The following DDR2 variants were observed in gnomAD, a reference collection of about 807,000 sequenced individuals.
The protein encoded by DDR2 is discoidin domain receptor tyrosine kinase 2.
In DDR2, 27 loss-of-function variants were observed where a neutral mutation model predicts 94.9. The observed-to-expected ratio is 0.28, with a 90% CI of 0.21 to 0.39. The LOEUF is 0.39. DDR2 is among the 10% of genes least tolerant of loss of function. DDR2 has a pLI of 1.00. For missense variants in DDR2, 783 were observed against 1,076.0 expected, an observed-to-expected ratio of 0.73 and a Z score of 3.81; for synonymous variants, 382 against 377.2, an observed-to-expected ratio of 1.01 and a Z score of -0.15.
chr1:162,685,655 G>A (rs1659652430), intron 2 of DDR2, among the ~76,000 whole-genome samples: 2 of 151,956 alleles, frequency 1.3e-5, no homozygotes, highest in African/African-American at 4.8e-5. Flanking sequence ...CTAAGAGACT[G>A]GATGCTCCCT....
intron 3 of DDR2, among the ~76,000 whole-genome samples, chr1:162,740,306 A>G (rs1039961153): frequency 6.6e-6 from 1 of 152,210 alleles, no homozygotes; most frequent in Admixed American, 6.5e-5. Flanking sequence ...TCCCCTCAAA[A>G]TGCTTGCTTT....
At chr1:162,778,817 AG>A in intron 17 of DDR2, 88 bp downstream of exon 17, 1 of 1,550,812 alleles carries the variant, frequency 6.4e-7, no homozygotes, top group Non-Finnish European at 8.9e-7. Context: ...GAGTGGGCCG[AG>A]ATGGAAGACA....
At chr1:162,685,711 T>G (rs1184791600) in intron 2 of DDR2, among the ~76,000 whole-genome samples, 1 of 152,178 alleles carries the variant, frequency 6.6e-6, no homozygotes, top group Non-Finnish European at 1.5e-5. Context: ...GGAAGCTTAC[T>G]AATGCAAGTC....
chr1:162,689,844 A>AAAAAAAAAAAAAAAC, intron 2 of DDR2, among the ~76,000 whole-genome samples: 1 of 129,670 alleles, frequency 7.7e-6, no homozygotes, highest in African/African-American at 2.8e-5. Context: ...TCTCTACTTA[A>AAAAAAAAAAAAAAAC]AAAAAAAAAA....
chr1:162,674,910 T>C (rs572388802), intron 2 of DDR2, among the ~76,000 whole-genome samples: 1 of 152,234 alleles, frequency 6.6e-6, no homozygotes, highest in Non-Finnish European at 1.5e-5. Context: ...TCCCAGCACT[T>C]TGAGGGGCTG....
rs1661287289 is a variant in DDR2, at chr1:162,718,887, G to A, written c.-27-150G>A. 3 of 721,750 alleles carry A rather than the reference G, an allele frequency of 4.2e-6. No individual in the cohort carries two copies. In the South Asian group the frequency reaches 4.9e-5, roughly 12 times the overall value. The allele number at this position is 721,750 out of a possible 1,614,324, so 44.7% of individuals were successfully genotyped here. ...TTGGATGTGCCATTCAACTCCCAAA[G>A]TCTGTGATTCGAAGTCCCATATATA... On this transcript the variant is annotated intron_variant, in intron 2 of 17. Coordinates refer to ENST00000367921, the MANE Select transcript of DDR2 (RefSeq NM_006182.4).
At chr1:162,652,731 A>C (rs1657765607) in intron 1 of DDR2, among the ~76,000 whole-genome samples, 1 of 152,222 alleles carries the variant, frequency 6.6e-6, no homozygotes. Context: ...CTATTTTACA[A>C]GTAGACACTA....
intron 2 of DDR2, among the ~76,000 whole-genome samples, chr1:162,663,038 C>T (rs533729480): frequency 1.3e-5 from 2 of 152,162 alleles, no homozygotes; most frequent in African/African-American, 2.4e-5. Context: ...ATTTCATTGC[C>T]CCTTTATTCA....
chr1:162,728,103 A>G (rs1306575058), intron 3 of DDR2, among the ~76,000 whole-genome samples: 1 of 143,120 alleles, frequency 7.0e-6, no homozygotes, highest in Admixed American at 7.2e-5. Context: ...CACACTATAT[A>G]TATCTATATA....
At chr1:162,769,188 G>A (rs1049211300) in intron 11 of DDR2, among the ~76,000 whole-genome samples, 6 of 152,174 alleles carry the variant, frequency 3.9e-5, no homozygotes, top group African/African-American at 1.4e-4. Flanking sequence ...CCAGGTAAAA[G>A]GTAGAGCAAA....
chr1:162,732,806 T>C (rs943100975), intron 3 of DDR2, among the ~76,000 whole-genome samples: 1 of 152,194 alleles, frequency 6.6e-6, no homozygotes, highest in African/African-American at 2.4e-5. Context: ...CTGGAGCTAG[T>C]AGTGAGATGG....
intron 2 of DDR2, among the ~76,000 whole-genome samples, chr1:162,703,929 A>G (rs902890127): frequency 1.2e-4 from 18 of 152,178 alleles, no homozygotes; most frequent in African/African-American, 4.3e-4. Flanking sequence ...ATTGGCTCCT[A>G]TTGCACACAA....
chr1:162,699,913 C>T (rs1002072862), intron 2 of DDR2, among the ~76,000 whole-genome samples: 1 of 152,188 alleles, frequency 6.6e-6, no homozygotes, highest in African/African-American at 2.4e-5. Context: ...ATCTTTTCCT[C>T]CTAATTAGCT....
chr1:162,755,004 A>G, intron 5 of DDR2, 149 bp downstream of exon 5: 1 of 1,417,380 alleles, frequency 7.1e-7, no homozygotes, highest in South Asian at 1.2e-5. Context: ...TGAGGGAGGC[A>G]GGGAAGGAAT....
intron 3 of DDR2, 120 bp downstream of exon 3, chr1:162,719,265 C>G: frequency 6.5e-7 from 1 of 1,546,956 alleles, no homozygotes; most frequent in Non-Finnish European, 8.7e-7. Context: ...CTTTTTAAAT[C>G]TCCATGGTGA....
At chr1:162,727,267 T>C (rs1661725102) in intron 3 of DDR2, among the ~76,000 whole-genome samples, 1 of 51,036 alleles carries the variant, frequency 2.0e-5, no homozygotes, top group South Asian at 7.1e-4. Flanking sequence ...TTTGTAAATA[T>C]AAATATAAAT....
intron 16 of DDR2, among the ~76,000 whole-genome samples, chr1:162,776,788 A>C (rs1462872405): frequency 6.6e-6 from 1 of 152,158 alleles, no homozygotes; most frequent in Non-Finnish European, 1.5e-5. Flanking sequence ...ATACTTTTCA[A>C]CATGTTCTTT....
At chr1:162,772,000 G>C in intron 12 of DDR2, 24 bp from the exon 13 acceptor site, 1 of 1,576,752 alleles carries the variant, frequency 6.3e-7, no homozygotes, top group Non-Finnish European at 8.6e-7. Context: ...ACGGAATGAG[G>C]GCTCGTTGCC....
intron 11 of DDR2, among the ~76,000 whole-genome samples, chr1:162,768,796 C>T (rs1664123032): frequency 6.6e-6 from 1 of 152,206 alleles, no homozygotes; most frequent in South Asian, 2.1e-4. Flanking sequence ...TTAAAGCTTT[C>T]AATTCGCAAA....
Sources: gnomAD v4.1 joint callset for allele counts (sites outside exome capture counted in the v4.1 genomes callset) on GRCh38, gnomAD v4.1.1 for gene constraint, MANE v1.5 for transcripts, NCBI Gene and HGNC (gene_info 2026-07-23, HGNC 2026-07-21) for gene names.